VPS13A: variants seen among roughly 807,000 people sequenced by gnomAD.
The protein encoded by VPS13A is vacuolar protein sorting 13 homolog A.
A neutral mutation model predicts 390.9 loss-of-function variants in VPS13A; 264 were observed. That is an observed-to-expected ratio of 0.68 (90% confidence interval 0.61 to 0.75). VPS13A has a LOEUF of 0.75. VPS13A is among the 30% of genes least tolerant of loss of function. The probability of loss-of-function intolerance (pLI) is 0.00; values close to 1 mark genes in which losing one functional copy is unlikely to be tolerated. For synonymous variants in VPS13A, 1,231 were observed against 1,227.1 expected (o/e 1.00, Z -0.07); for missense variants, 3,409 against 3,733.9 (o/e 0.91, Z 2.27).
rs772190036 is a variant in VPS13A, at chr9:77,345,191, A to T, written c.7289+49A>T. On this transcript the variant is annotated intron_variant, in intron 52 of 71. Coordinates refer to ENST00000360280, the MANE Select transcript of VPS13A (RefSeq NM_033305.3). ...ACTCTTGATGGTGTAAGTCTAGATG[A>T]TGAGGCACAGTTTTTTTTGATAATT... The T allele has an allele frequency of 2.5e-6, 4 of 1,587,160 alleles. No individual in the cohort carries two copies. The South Asian group carries it at 4.4e-5, about 18-fold the overall frequency.
chr9:77,308,247 T>C (rs1828883165), intron 35 of VPS13A, 149 bp downstream of exon 35: 2 of 909,566 alleles, frequency 2.2e-6, no homozygotes, highest in Admixed American at 4.6e-5. Flanking sequence ...TTGTTTAGTT[T>C]GGGCAAAATA....
chr9:77,213,016 A>G lies in VPS13A; in HGVS notation c.603A>G (p.Lys201=). 6.2e-7 allele frequency: 1 copy of G among 1,613,930 alleles called. No homozygotes were observed. The highest frequency in any genetic ancestry group is 8.5e-7 in the Non-Finnish European group (1 of 1,179,942). The change falls in exon 8 of 72, where the codon AAA becomes AAG. Residue 201 remains lysine (K), a synonymous_variant. Coordinates refer to ENST00000360280, the MANE Select transcript of VPS13A (RefSeq NM_033305.3). ...CATGTTTACATGATGAAACTGAGAA[A>G]CTGGTTCGTAAGGTAAATAAATACT... The part of the protein sequence containing the change: ...WVPCLHDETE[K]LVRKLIRLDN...
At chr9:77,304,175 C>G (rs1326030754) in intron 34 of VPS13A, among the ~76,000 whole-genome samples, 1 of 152,178 alleles carries the variant, frequency 6.6e-6, no homozygotes, top group African/African-American at 2.4e-5. Flanking sequence ...ATGGCAATGA[C>G]TTTTACCAAG....
At chr9:77,328,174 A>C (rs1830108554) in intron 45 of VPS13A, among the ~76,000 whole-genome samples, 1 of 152,212 alleles carries the variant, frequency 6.6e-6, no homozygotes, top group Non-Finnish European at 1.5e-5. Flanking sequence ...GCTCCTGTAC[A>C]TCTCCATCAG....
intron 67 of VPS13A, among the ~76,000 whole-genome samples, chr9:77,378,759 A>G (rs541342871): frequency 2.0e-5 from 3 of 151,286 alleles, no homozygotes; most frequent in Non-Finnish European, 4.4e-5. Flanking sequence ...TGCTTTTTCT[A>G]CTTTCTCAAC....
chr9:77,380,679 G>C (rs756763228), intron 67 of VPS13A, among the ~76,000 whole-genome samples: 1 of 152,112 alleles, frequency 6.6e-6, no homozygotes, highest in East Asian at 1.9e-4. Flanking sequence ...TTATGTTAGC[G>C]GTCCCCAGCC....
Position 77,416,074 on chromosome 9 carries a change from G to A in VPS13A, c.*68G>A. 4 of 1,552,492 alleles carry A rather than the reference G, an allele frequency of 2.6e-6. No homozygotes were observed. In the South Asian group the frequency reaches 4.5e-5, roughly 17 times the overall value. ...GCTCCTAGACTACCTTCCAAAACCT[G>A]TTTGGGAAGCATATTACAGAAATGA... On this transcript the variant is annotated 3_prime_UTR_variant, in exon 72 of 72. Transcript: ENST00000360280.
At position 77,339,588 on chromosome 9, in the gene VPS13A, G is replaced by A; in HGVS notation, c.6451G>A (p.Ala2151Thr). ...AQICTAQLGK[A>T]RLHLKLLDYL... ...GATTTGTACTGCACAGTTGGGTAAA[G>A]CCAGGCTACATTTAAAATTACTTGA... The change falls in exon 48 of 72, where the codon GCC becomes ACC. Residue 2151 changes from alanine (A) to threonine (T), a missense_variant. Ala to Thr is a moderately conservative substitution (Grantham distance 58). Transcript: ENST00000360280. 6.2e-7 allele frequency: 1 copy of A among 1,603,330 alleles called. No homozygotes were observed. The highest frequency in any genetic ancestry group is 8.5e-7 in the Non-Finnish European group (1 of 1,174,030).
intron 68 of VPS13A, 142 bp downstream of exon 68, chr9:77,382,229 G>A (rs1444844653): frequency 7.1e-7 from 1 of 1,406,830 alleles, no homozygotes; most frequent in Non-Finnish European, 9.4e-7. Context: ...TATTTACTTA[G>A]ATTTTAAAGT....
At chr9:77,373,337 C>T (rs1293178641) in intron 67 of VPS13A, among the ~76,000 whole-genome samples, 1 of 145,336 alleles carries the variant, frequency 6.9e-6, no homozygotes. Flanking sequence ...CGCCGCATAT[C>T]TACAACTATC....
intron 45 of VPS13A, among the ~76,000 whole-genome samples, chr9:77,325,199 A>G (rs1489941804): frequency 3.3e-5 from 5 of 152,204 alleles, no homozygotes; most frequent in East Asian, 1.9e-4. Context: ...TCACGCTCCT[A>G]TGAGAATCTA....
intron 34 of VPS13A, among the ~76,000 whole-genome samples, chr9:77,306,169 A>G (rs1828729316): frequency 6.6e-6 from 1 of 152,224 alleles, no homozygotes; most frequent in South Asian, 2.1e-4. Context: ...TAAGGTACAC[A>G]TGGACTTAAT....
chr9:77,182,125 G>A (rs985453558), intron 1 of VPS13A, among the ~76,000 whole-genome samples: 4 of 151,950 alleles, frequency 2.6e-5, no homozygotes, highest in African/African-American at 9.7e-5. Flanking sequence ...ACGGAGTCTC[G>A]TTCTGTCACC....
chr9:77,335,816 C>T (rs983533019), intron 46 of VPS13A, among the ~76,000 whole-genome samples: 3 of 152,032 alleles, frequency 2.0e-5, no homozygotes, highest in Non-Finnish European at 2.9e-5. Flanking sequence ...GGATCTAGAA[C>T]CAGAAATACC....
At chr9:77,327,930 G>A (rs542278673) in intron 45 of VPS13A, among the ~76,000 whole-genome samples, 10 of 152,164 alleles carry the variant, frequency 6.6e-5, no homozygotes, top group Middle Eastern at 3.4e-3. Context: ...TATTAATGGC[G>A]TCTAGATGAT....
intron 19 of VPS13A, 151 bp downstream of exon 19, chr9:77,238,537 G>T: frequency 1.4e-6 from 1 of 710,934 alleles, no homozygotes. Flanking sequence ...GTACTTTTAT[G>T]TTTAAAGGCA....
intron 52 of VPS13A, 184 bp from the exon 53 acceptor site, chr9:77,351,133 T>C (rs1434846623): frequency 3.1e-6 from 2 of 637,042 alleles, no homozygotes; most frequent in Non-Finnish European, 5.0e-6. Context: ...AGTGGGAAAA[T>C]AATGAGAAAT....
At chr9:77,318,111 A>G in intron 40 of VPS13A, 124 bp from the exon 41 acceptor site, 5 of 546,600 alleles carry the variant, frequency 9.1e-6, no homozygotes, top group Non-Finnish European at 1.5e-5. Context: ...AATAAATTGT[A>G]TCTTCTATTT....
chr9:77,286,935 G>A (rs1827356874), intron 31 of VPS13A, among the ~76,000 whole-genome samples: 3 of 151,828 alleles, frequency 2.0e-5, no homozygotes, highest in Non-Finnish European at 2.9e-5. Context: ...TTTATTAACC[G>A]TCTTTCTGTA....
Sources: allele counts gnomAD v4.1 joint callset (sites outside exome capture counted in the v4.1 genomes callset), GRCh38; gene constraint gnomAD v4.1.1; transcripts MANE v1.5; gene names NCBI Gene and HGNC (gene_info 2026-07-23, HGNC 2026-07-21).